Variants in EXOC6B observed in about 807,000 individuals in gnomAD.
EXOC6B encodes exocyst complex component 6B.
EXOC6B carries 54 observed loss-of-function variants against 113.5 expected under a neutral mutation model. The ratio of observed to expected loss-of-function variants is 0.48; its 90% confidence interval spans 0.38 to 0.60. The LOEUF (loss-of-function observed/expected upper bound fraction) is 0.60, where lower values mean the gene tolerates loss of function less well. Ranked by LOEUF, EXOC6B falls within the 20% of genes least tolerant of loss-of-function variation. The pLI is 0.00. For missense variants in EXOC6B, 797 were observed against 977.5 expected (o/e 0.82, Z 2.46); for synonymous variants, 357 against 339.0 (o/e 1.05, Z -0.58).
chr2:72,320,315 T>C lies in EXOC6B; in HGVS notation c.2196+14632A>G, dbSNP rs1206402172. On this transcript the variant is annotated intron_variant, in intron 20 of 21. Transcript: ENST00000272427. ...GAAAAAGAAGAAAAAGTTGGAGGAC[T>C]TGAACTGCTTGATTTCAAGACAATA... Among the ~76,000 whole-genome samples the C allele has an allele frequency of 3.3e-5, 5 of 151,958 alleles. No individual in the cohort carries two copies. In the East Asian group the frequency reaches 9.7e-4, roughly 29 times the overall value.
intron 18 of EXOC6B, among the ~76,000 whole-genome samples, chr2:72,447,272 C>G (rs990244775): frequency 6.6e-6 from 1 of 152,098 alleles, no homozygotes; most frequent in South Asian, 2.1e-4. Context: ...GAGGGAAGGA[C>G]CATCTTTATT....
At chr2:72,728,315 C>A (rs1406464170) in intron 5 of EXOC6B, among the ~76,000 whole-genome samples, 1 of 152,172 alleles carries the variant, frequency 6.6e-6, no homozygotes, top group African/African-American at 2.4e-5. Context: ...CAATCAGAAT[C>A]TATATTTAAC....
rs534062282 is a variant in EXOC6B, at chr2:72,558,765, G to A, written c.915+688C>T. 2.0e-3 allele frequency among the ~76,000 whole-genome samples: 299 copies of A among 151,030 alleles called. 3 individuals carry two copies. Among genetic ancestry groups the A allele is most frequent in the Middle Eastern group, 3.4e-3 (1 of 294 alleles). On this transcript the variant is annotated intron_variant, in intron 8 of 21. Coordinates refer to ENST00000272427, the MANE Select transcript of EXOC6B (RefSeq NM_015189.3). ...GCCTAGGCAACAAGAGCAAAACTCT[G>A]TCTCAAAAAGAAAAAAAAAAGATAT... is the stretch of plus-strand genomic sequence containing the variant.
chr2:72,765,680 C>A (rs1683017036), intron 1 of EXOC6B, among the ~76,000 whole-genome samples: 2 of 151,958 alleles, frequency 1.3e-5, no homozygotes, highest in Non-Finnish European at 2.9e-5. Context: ...CTCAAAAAAA[C>A]AAAAACAAAA....
rs528284679 is a variant in EXOC6B, at chr2:72,476,447, C to T, written c.1800+4169G>A. On this transcript the variant is annotated intron_variant, in intron 17 of 21. Transcript: ENST00000272427. ...GAGGTGAGTATGAAATACCTCTAGT[C>T]GGTCATCTTGAAGCTATCCTCTTTC... is the stretch of plus-strand genomic sequence containing the variant. Among the ~76,000 whole-genome samples the T allele has an allele frequency of 1.1e-4, 17 of 152,220 alleles. No individual in the cohort carries two copies. In the East Asian group the frequency reaches 2.7e-3, roughly 24 times the overall value.
chr2:72,647,312 T>C (rs866620236), intron 6 of EXOC6B, among the ~76,000 whole-genome samples: 1 of 152,170 alleles, frequency 6.6e-6, no homozygotes, highest in African/African-American at 2.4e-5. Flanking sequence ...TCAATGCTCA[T>C]AGATAGGAAG....
chr2:72,779,463 G>C (rs1329925715), intron 1 of EXOC6B, among the ~76,000 whole-genome samples: 1 of 151,808 alleles, frequency 6.6e-6, no homozygotes, highest in African/African-American at 2.4e-5. Context: ...TGTTCAAAAT[G>C]TAAAAAAAAT....
At chr2:72,243,326 A>G (rs1056576467) in intron 20 of EXOC6B, among the ~76,000 whole-genome samples, 4 of 152,244 alleles carry the variant, frequency 2.6e-5, no homozygotes, top group Non-Finnish European at 5.9e-5. Flanking sequence ...CACAATAGCA[A>G]AGACTTGGAA....
chr2:72,770,598 A>C (rs1683359905), intron 1 of EXOC6B, among the ~76,000 whole-genome samples: 1 of 152,236 alleles, frequency 6.6e-6, no homozygotes, highest in Non-Finnish European at 1.5e-5. Context: ...CAAATGAATT[A>C]AGGCAGATTT....
intron 20 of EXOC6B, among the ~76,000 whole-genome samples, chr2:72,222,886 G>A (rs1198455764): frequency 6.6e-6 from 1 of 152,156 alleles, no homozygotes; most frequent in Admixed American, 6.5e-5. Context: ...AAGCAATAAG[G>A]TGAGGCTGAC....
rs534982988 is a variant in EXOC6B, at chr2:72,176,021, T to A, written c.*3314A>T. 6.6e-6 allele frequency: 1 copy of A among 152,360 alleles called. No individual in the cohort carries two copies. The highest frequency in any genetic ancestry group is 1.9e-4 in the East Asian group (1 of 5,192). 9.4% of individuals were successfully genotyped at this position (152,360 alleles called of 1,614,324 possible). A position where few individuals can be genotyped will look rare whatever the true frequency, so the allele number is the denominator to read the frequency against. ...CAGGTATGTAGGCTTTCTTGTTTAA[T>A]AGCAGTTAAAAGAGGAAAATGTACA... On this transcript the variant is annotated 3_prime_UTR_variant, in exon 22 of 22. Coordinates refer to ENST00000272427, the MANE Select transcript of EXOC6B (RefSeq NM_015189.3).
At chr2:72,478,526 G>A (rs1225627401) in intron 17 of EXOC6B, among the ~76,000 whole-genome samples, 1 of 152,212 alleles carries the variant, frequency 6.6e-6, no homozygotes, top group Non-Finnish European at 1.5e-5. Context: ...TTTTCAGTGT[G>A]TTTTAAGCAA....
chr2:72,633,701 C>T (rs568643314), intron 6 of EXOC6B, among the ~76,000 whole-genome samples: 1 of 152,238 alleles, frequency 6.6e-6, no homozygotes, highest in South Asian at 2.1e-4. Context: ...TACCATGGAG[C>T]TGACTCAAAT....
At chr2:72,309,362 A>ATATGGGG (rs1687066938) in intron 20 of EXOC6B, among the ~76,000 whole-genome samples, 1 of 152,162 alleles carries the variant, frequency 6.6e-6, no homozygotes, top group Admixed American at 6.5e-5. Context: ...AATCCTTGAT[A>ATATGGGG]TATGCCCCTC....
At chr2:72,460,821 C>A (rs1697593393) in intron 18 of EXOC6B, among the ~76,000 whole-genome samples, 1 of 151,600 alleles carries the variant, frequency 6.6e-6, no homozygotes, top group African/African-American at 2.4e-5. Flanking sequence ...GGATCTAGAA[C>A]TAGAAATACC....
chr2:72,286,407 A>G (rs1685417205), intron 20 of EXOC6B, among the ~76,000 whole-genome samples: 1 of 152,208 alleles, frequency 6.6e-6, no homozygotes, highest in Non-Finnish European at 1.5e-5. Context: ...TAAAGGTTAC[A>G]TACTACATGA....
intron 6 of EXOC6B, among the ~76,000 whole-genome samples, chr2:72,695,677 GAGTT>G (rs1677819187): frequency 6.6e-6 from 1 of 152,100 alleles, no homozygotes; most frequent in Non-Finnish European, 1.5e-5. Flanking sequence ...CACATAGACA[GAGTT>G]AAGATCTTTC....
chr2:72,614,091 T>G (rs1671243660), intron 6 of EXOC6B, among the ~76,000 whole-genome samples: 6 of 152,168 alleles, frequency 3.9e-5, no homozygotes, highest in Admixed American at 2.6e-4. Flanking sequence ...ACATTCTCTA[T>G]CTGGCCGTTT....
intron 17 of EXOC6B, among the ~76,000 whole-genome samples, chr2:72,466,344 C>CAAAAAA (rs551509210): frequency 1.1e-4 from 9 of 82,268 alleles, no homozygotes; most frequent in East Asian, 4.1e-4. Context: ...GACTCCACCT[C>CAAAAAA]AAAAAAAAAA....
Sources: gnomAD v4.1 joint callset for allele counts (sites outside exome capture counted in the v4.1 genomes callset) on GRCh38, gnomAD v4.1.1 for gene constraint, MANE v1.5 for transcripts, NCBI Gene and HGNC (gene_info 2026-07-23, HGNC 2026-07-21) for gene names.